Variants in NFIB observed in about 807,000 individuals in gnomAD.
NFIB encodes the protein nuclear factor I B.
In NFIB, 11 loss-of-function variants were observed where a neutral mutation model predicts 61.5. The observed-to-expected ratio is 0.18, with a 90% CI of 0.11 to 0.30. The LOEUF (loss-of-function observed/expected upper bound fraction) is 0.30. NFIB is among the 10% of genes least tolerant of loss of function. The pLI is 1.00. For synonymous variants in NFIB, 260 were observed against 216.5 expected (o/e 1.20, Z -1.76); for missense variants, 471 against 608.9 (o/e 0.77, Z 2.38).
At chr9:14,114,550 A>G (rs961604023) in intron 9 of NFIB, among the ~76,000 whole-genome samples, 5 of 152,226 alleles carry the variant, frequency 3.3e-5, no homozygotes, top group African/African-American at 1.2e-4. Flanking sequence ...TAGGAGTGGA[A>G]AATGGACTGA....
intron 2 of NFIB, among the ~76,000 whole-genome samples, chr9:14,187,009 G>GTGTGTGTGTGTGTGTA (rs2047411932): frequency 1.6e-4 from 2 of 12,504 alleles, no homozygotes; most frequent in Admixed American, 9.9e-4. Context: ...TCGCTCCTGT[G>GTGTGTGTGTGTGTGTA]TGTGTGTGTG....
At chr9:14,400,161 T>C (rs1244442379), upstream of NFIB, among the ~76,000 whole-genome samples, 2 of 152,150 alleles carry the variant, frequency 1.3e-5, no homozygotes, top group East Asian at 3.9e-4. Context: ...TTATGTTCTG[T>C]TTACTTAAAA....
chr9:14,266,989 G>C (rs984981374), intron 2 of NFIB, among the ~76,000 whole-genome samples: 11 of 152,078 alleles, frequency 7.2e-5, no homozygotes, highest in Non-Finnish European at 1.5e-4. Context: ...ATCAGAACTG[G>C]GGAAAACAGA....
At position 14,205,493 on chromosome 9, in the gene NFIB, T is replaced by TCCCA. The variant is rs1168901596; in HGVS notation, c.563-25717_563-25714dup. ...CCTTTTTTTCTCTGTTAAACTTAAA[T>TCCCA]CCCAGCTAACAGGCTATGTTCACAG... On this transcript the variant is annotated intron_variant, in intron 2 of 10. Transcript: ENST00000380953. 2.0e-4 allele frequency among the ~76,000 whole-genome samples: 30 copies of TCCCA among 152,048 alleles called. 1 individual carries two copies. The South Asian group carries it at 5.8e-3, about 30-fold the overall frequency.
chr9:14,128,951 C>T (rs141174684), intron 6 of NFIB, among the ~76,000 whole-genome samples: 2 of 152,202 alleles, frequency 1.3e-5, no homozygotes, highest in African/African-American at 4.8e-5. Context: ...AGAAGCAAAG[C>T]ATTTGTATTT....
chr9:14,297,597 T>TA (rs2059516193), intron 2 of NFIB, among the ~76,000 whole-genome samples: 1 of 152,218 alleles, frequency 6.6e-6, no homozygotes, highest in African/African-American at 2.4e-5. Flanking sequence ...AATGCAGAAA[T>TA]CTACTGCTTT....
chr9:14,279,186 C>T (rs1236905591), intron 2 of NFIB, among the ~76,000 whole-genome samples: 3 of 152,046 alleles, frequency 2.0e-5, no homozygotes, highest in Admixed American at 6.5e-5. Context: ...ACGGCAAAAC[C>T]GAAGCACAAG....
intron 1 of NFIB, among the ~76,000 whole-genome samples, chr9:14,373,149 C>A (rs1037796715): frequency 1.3e-5 from 2 of 152,168 alleles, no homozygotes; most frequent in Non-Finnish European, 2.9e-5. Context: ...ATGCTTGGAA[C>A]ACCAAAAGAT....
chr9:14,530,622 C>G, the NFIB span, among the ~76,000 whole-genome samples: 1 of 152,162 alleles, frequency 6.6e-6, no homozygotes, highest in Non-Finnish European at 1.5e-5. Context: ...CTAGGATCAA[C>G]AGCATAACAT....
At chr9:14,432,758 C>T in the NFIB span, among the ~76,000 whole-genome samples, 2 of 152,078 alleles carry the variant, frequency 1.3e-5, no homozygotes, top group Non-Finnish European at 2.9e-5. Flanking sequence ...AGAAAATAGT[C>T]TTGAAAGTGG....
At chr9:14,186,763 C>CTT (rs111963648) in intron 2 of NFIB, among the ~76,000 whole-genome samples, 15 of 148,608 alleles carry the variant, frequency 1.0e-4, no homozygotes, top group African/African-American at 3.7e-4. Flanking sequence ...CATAATTTGG[C>CTT]TTTTTTTTTT....
At chr9:14,352,884 T>A (rs1031836884) in intron 1 of NFIB, among the ~76,000 whole-genome samples, 10 of 152,198 alleles carry the variant, frequency 6.6e-5, no homozygotes, top group African/African-American at 2.4e-4. Context: ...GTTTTTGACA[T>A]CTGAGGGTTT....
intron 1 of NFIB, among the ~76,000 whole-genome samples, chr9:14,331,056 A>C (rs1306682066): frequency 6.6e-6 from 1 of 152,170 alleles, no homozygotes; most frequent in Admixed American, 6.5e-5. Flanking sequence ...CAATGGCAGC[A>C]CTTTAATTAA....
rs548415725 is a variant in NFIB at position 14,082,677 on chromosome 9, T to TG, written c.*5631_*5632insC. The TG allele has an allele frequency of 4.4e-3, 883 of 201,994 alleles. 7 individuals are homozygous for TG. Among genetic ancestry groups the TG allele is most frequent in the Non-Finnish European group, 5.6e-3 (555 of 98,242 alleles). The allele number at this position is 201,994 out of a possible 1,614,324, so 12.5% of individuals were successfully genotyped here. On this transcript the variant is annotated 3_prime_UTR_variant, in exon 11 of 11. Transcript: ENST00000380953. ...GGTAAACATTTTGCTGGTTTTTTTT[T>TG]TTTGTTTGTTTCTTTCTTGTTTTGC...
intron 2 of NFIB, among the ~76,000 whole-genome samples, chr9:14,296,222 G>A (rs1743418361): frequency 6.6e-6 from 1 of 152,090 alleles, no homozygotes; most frequent in African/African-American, 2.4e-5. Flanking sequence ...ATATATAGTA[G>A]TAATTGCTAT....
intron 6 of NFIB, among the ~76,000 whole-genome samples, chr9:14,145,894 T>A (rs1156251159): frequency 1.3e-5 from 2 of 152,044 alleles, no homozygotes; most frequent in Non-Finnish European, 2.9e-5. Context: ...AGAATTCTAT[T>A]TAAAAGACAA....
chr9:14,234,641 T>G (rs1223774961), intron 2 of NFIB, among the ~76,000 whole-genome samples: 1 of 149,994 alleles, frequency 6.7e-6, no homozygotes, highest in Non-Finnish European at 1.5e-5. Context: ...TGATTACAGG[T>G]GTGAGCCACT....
intron 1 of NFIB, among the ~76,000 whole-genome samples, chr9:14,322,492 G>A (rs1369859170): frequency 1.3e-5 from 2 of 152,030 alleles, no homozygotes; most frequent in African/African-American, 2.4e-5. Flanking sequence ...CCCCGGAACC[G>A]CCACCCAGCA....
chr9:14,415,343 A>G, the NFIB span, among the ~76,000 whole-genome samples: 1 of 152,222 alleles, frequency 6.6e-6, no homozygotes, highest in Non-Finnish European at 1.5e-5. Flanking sequence ...AAAGTCTTGT[A>G]TACGAGGCAT....
Sources: gnomAD v4.1 joint callset for allele counts (sites outside exome capture counted in the v4.1 genomes callset) on GRCh38, gnomAD v4.1.1 for gene constraint, MANE v1.5 for transcripts, NCBI Gene and HGNC (gene_info 2026-07-23, HGNC 2026-07-21) for gene names.